The following HIPK2 variants were observed in gnomAD, a reference collection of about 807,000 sequenced individuals.
HIPK2 encodes the protein homeodomain interacting protein kinase 2.
In HIPK2, 27 loss-of-function variants were observed where a neutral mutation model predicts 113.7. The observed-to-expected ratio is 0.24, with a 90% confidence interval of 0.17 to 0.33. The LOEUF (loss-of-function observed/expected upper bound fraction) is 0.33. HIPK2 is among the 10% of genes least tolerant of loss of function. HIPK2 has a pLI of 1.00. For missense variants in HIPK2, 1,257 were observed against 1,588.0 expected (o/e 0.79, Z 3.54); for synonymous variants, 631 against 642.2 (o/e 0.98, Z 0.26).
rs559071226 is a variant in HIPK2 at position 139,764,182 on chromosome 7, T to C, written c.19+13423A>G. Among the ~76,000 whole-genome samples, 3 of 152,362 alleles carry C rather than the reference T, an allele frequency of 2.0e-5. No homozygotes were observed. In the South Asian group the frequency reaches 6.2e-4, roughly 32 times the overall value. ...CATAAAACATCATCACACCAACATA[T>C]GTAATGCTATACCAACGTACAACAT... is the stretch of plus-strand genomic sequence containing the variant. On this transcript the variant is annotated intron_variant, in intron 1 of 14. Coordinates refer to ENST00000406875, the MANE Select transcript of HIPK2 (RefSeq NM_022740.5).
rs533809782 is a variant in HIPK2 at position 139,653,139 on chromosome 7, CAAAAA to C, written c.1104-21419_1104-21415del. Among the ~76,000 whole-genome samples the C allele has an allele frequency of 1.1e-3, 83 of 75,420 alleles. 1 individual carries two copies. Among genetic ancestry groups the C allele is most frequent in the African/African-American group, 4.0e-3 (74 of 18,592 alleles). The allele number at this position is 75,420 out of a possible 152,430, so 49.5% of individuals were successfully genotyped here. A position where few individuals can be genotyped will look rare whatever the true frequency, so the allele number is the denominator to read the frequency against. On this transcript the variant is annotated intron_variant, in intron 2 of 14. Coordinates refer to ENST00000406875, the MANE Select transcript of HIPK2 (RefSeq NM_022740.5). ...TGGGTGACAGAGCAAGACTCTGTCT[CAAAAA>C]AAAAAAAAAAAAAAAAAACTGTTCA...
At chr7:139,701,422 C>T (rs1794704796) in intron 2 of HIPK2, among the ~76,000 whole-genome samples, 2 of 152,206 alleles carry the variant, frequency 1.3e-5, no homozygotes, top group South Asian at 4.1e-4. Flanking sequence ...TTACCAAGAC[C>T]TTTCCTGTTC....
chr7:139,644,386 T>A (rs1020814435), intron 2 of HIPK2, among the ~76,000 whole-genome samples: 1 of 152,162 alleles, frequency 6.6e-6, no homozygotes, highest in African/African-American at 2.4e-5. Context: ...GGAGGTGACA[T>A]GCAGCCTGCA....
chr7:139,765,144 A>T (rs1796532679), intron 1 of HIPK2, among the ~76,000 whole-genome samples: 1 of 152,088 alleles, frequency 6.6e-6, no homozygotes, highest in Non-Finnish European at 1.5e-5. Context: ...TCAAAAAAAA[A>T]AAAAATTAAA....
chr7:139,767,135 A>G (rs1287066975), intron 1 of HIPK2, among the ~76,000 whole-genome samples: 2 of 152,196 alleles, frequency 1.3e-5, no homozygotes, highest in Admixed American at 6.5e-5. Context: ...AATATTTCTG[A>G]CTTTTTGTTC....
At chr7:139,670,592 A>AG (rs1424160394) in intron 2 of HIPK2, among the ~76,000 whole-genome samples, 2 of 151,646 alleles carry the variant, frequency 1.3e-5, no homozygotes, top group African/African-American at 4.8e-5. Context: ...AAAAAAAAAA[A>AG]GAACAAAAAA....
chr7:139,764,097 G>C (rs913772341), intron 1 of HIPK2, among the ~76,000 whole-genome samples: 22 of 152,056 alleles, frequency 1.4e-4, no homozygotes, highest in African/African-American at 5.3e-4. Flanking sequence ...AGTGCTGTTG[G>C]GCATGAGTTT....
At chr7:139,757,471 A>G (rs1248898941) in intron 1 of HIPK2, among the ~76,000 whole-genome samples, 1 of 152,170 alleles carries the variant, frequency 6.6e-6, no homozygotes, top group Non-Finnish European at 1.5e-5. Context: ...AAATCTCACA[A>G]AAGAGAACTA....
intron 1 of HIPK2, among the ~76,000 whole-genome samples, chr7:139,720,742 C>T (rs893883891): frequency 3.3e-5 from 5 of 152,212 alleles, no homozygotes; most frequent in Non-Finnish European, 4.4e-5. Flanking sequence ...TTCATCCTTT[C>T]GTGTCAAGCC....
chr7:139,690,557 G>A (rs1316333008), intron 2 of HIPK2, among the ~76,000 whole-genome samples: 2 of 152,066 alleles, frequency 1.3e-5, no homozygotes, highest in Non-Finnish European at 2.9e-5. Flanking sequence ...GCCAGCCCCA[G>A]CACTTTGGGG....
intron 2 of HIPK2, among the ~76,000 whole-genome samples, chr7:139,658,860 C>T (rs2116532004): frequency 6.6e-6 from 1 of 152,338 alleles, no homozygotes; most frequent in South Asian, 2.1e-4. Flanking sequence ...TCTTTCTCAA[C>T]CAGGGTTTTC....
chr7:139,582,069 C>T lies in HIPK2; in HGVS notation c.2965+1748G>A, dbSNP rs535105347. On this transcript the variant is annotated intron_variant, in intron 13 of 14. Transcript: ENST00000406875. ...ATGACTTCGGGTGCCTCCCAGGGCC[C>T]TTTGGTTACTGCTAGAGAATGTTGC... Among the ~76,000 whole-genome samples the T allele has an allele frequency of 6.6e-5, 10 of 152,320 alleles. No individual in the cohort carries two copies. The South Asian group carries it at 1.7e-3, about 25-fold the overall frequency.
intron 1 of HIPK2, among the ~76,000 whole-genome samples, chr7:139,757,844 T>C (rs913312926): frequency 7.2e-5 from 11 of 152,196 alleles, no homozygotes; most frequent in African/African-American, 2.7e-4. Flanking sequence ...GTAAATTACA[T>C]GAATTATATC....
chr7:139,762,289 G>A (rs962857566), intron 1 of HIPK2, among the ~76,000 whole-genome samples: 2 of 152,188 alleles, frequency 1.3e-5, no homozygotes, highest in African/African-American at 4.8e-5. Flanking sequence ...AACTAGCACC[G>A]ACAAAGTCTA....
intron 6 of HIPK2, among the ~76,000 whole-genome samples, chr7:139,623,517 C>CAAAAAAA (rs771370297): frequency 9.4e-5 from 7 of 74,078 alleles, no homozygotes; most frequent in Admixed American, 4.8e-4. Context: ...GACTCTACTT[C>CAAAAAAA]AAAAAAAAAA....
At position 139,572,764 on chromosome 7, in the gene HIPK2, G is replaced by GCCCCCCCCCCCCCC. The variant is rs71170903; in HGVS notation, c.*149_*162dup. 4 of 29,328 alleles carry GCCCCCCCCCCCCCC rather than the reference G, an allele frequency of 1.4e-4. 2 individuals are homozygous for GCCCCCCCCCCCCCC. The highest frequency in any genetic ancestry group is 2.8e-4 in the African/African-American group (2 of 7,084). The allele number at this position is 29,328 out of a possible 1,614,324, so 1.8% of individuals were successfully genotyped here. On this transcript the variant is annotated 3_prime_UTR_variant, in exon 15 of 15. Transcript: ENST00000406875. Reference sequence around the variant, plus strand: ...GTCCCGACCCGTCCCCCTGCCCTCTGCCCCCCCCCCCCCCCCCGCCCCTGC... The same window carrying GCCCCCCCCCCCCCC: ...GTCCCGACCCGTCCCCCTGCCCTCTGCCCCCCCCCCCCCCCCCCCCCCCCCCCCCCCGCCCCTGC...
intron 10 of HIPK2, among the ~76,000 whole-genome samples, chr7:139,601,949 CTTT>C (rs1053542551): frequency 1.7e-5 from 2 of 116,370 alleles, no homozygotes; most frequent in Admixed American, 8.8e-5. Flanking sequence ...ATTATGGCTT[CTTT>C]TTTTTTTTTT....
chr7:139,691,444 C>T (rs1794402851), intron 2 of HIPK2, among the ~76,000 whole-genome samples: 2 of 152,222 alleles, frequency 1.3e-5, no homozygotes, highest in African/African-American at 4.8e-5. Flanking sequence ...TAGCCAATGT[C>T]ATTAAGTCTT....
chr7:139,711,641 T>C (rs1463377090), intron 2 of HIPK2, among the ~76,000 whole-genome samples: 1 of 152,174 alleles, frequency 6.6e-6, no homozygotes, highest in Non-Finnish European at 1.5e-5. Flanking sequence ...TGTCTTTTTG[T>C]TTGTGTTTTT....
Sources: gnomAD v4.1 joint callset for allele counts (sites outside exome capture counted in the v4.1 genomes callset) on GRCh38, gnomAD v4.1.1 for gene constraint, MANE v1.5 for transcripts, NCBI Gene and HGNC (gene_info 2026-07-23, HGNC 2026-07-21) for gene names.